The following MAP2K6 variants were observed in gnomAD, a reference collection of about 807,000 sequenced individuals.
MAP2K6 encodes the protein mitogen-activated protein kinase kinase 6, also known as dual specificity mitogen-activated protein kinase kinase 6.
In MAP2K6, 16 loss-of-function variants were observed where a neutral mutation model predicts 53.7. The ratio of observed to expected loss-of-function variants is 0.30; its 90% confidence interval spans 0.20 to 0.45. MAP2K6 has a LOEUF of 0.45. MAP2K6 is among the 20% of genes least tolerant of loss of function. The pLI is 1.00. For synonymous variants in MAP2K6, 132 were observed against 143.1 expected (o/e 0.92, Z 0.55); for missense variants, 204 against 411.9 (o/e 0.50, Z 4.37).
rs1038476981 is a variant in MAP2K6, at chr17:69,551,305, A to G, written c.*9552A>G. The stretch of plus-strand genomic sequence containing the variant: ...AGCTACCCCTTGCTGCCTTTTGCAA[A>G]GGTGTTGTAGGTGGAGAAGGGTAAT... On this transcript the variant is annotated 3_prime_UTR_variant, in exon 12 of 12. Coordinates refer to ENST00000590474, the MANE Select transcript of MAP2K6 (RefSeq NM_002758.4). The G allele has an allele frequency of 6.6e-6, 1 of 152,238 alleles. No homozygotes were observed. The highest frequency in any genetic ancestry group is 1.5e-5 in the Non-Finnish European group (1 of 68,066). The allele number at this position is 152,238 out of a possible 1,614,324, so 9.4% of individuals were successfully genotyped here.
At chr17:69,527,902 G>A (rs1324611587) in intron 10 of MAP2K6, among the ~76,000 whole-genome samples, 1 of 152,106 alleles carries the variant, frequency 6.6e-6, no homozygotes, top group Admixed American at 6.5e-5. Context: ...GATCACCTGA[G>A]GTCAGGAGTT....
chr17:69,522,638 G>A (rs1260077894), intron 7 of MAP2K6, among the ~76,000 whole-genome samples: 1 of 152,056 alleles, frequency 6.6e-6, no homozygotes, highest in East Asian at 1.9e-4. Context: ...AAAAGGATTC[G>A]TTTAAAATCT....
intron 9 of MAP2K6, among the ~76,000 whole-genome samples, chr17:69,525,269 G>T (rs536947111): frequency 2.0e-5 from 3 of 152,088 alleles, no homozygotes; most frequent in Non-Finnish European, 4.4e-5. Context: ...TCTGTAAAAC[G>T]AGAGGATCTG....
chr17:69,483,335 G>A (rs758059744), intron 1 of MAP2K6, among the ~76,000 whole-genome samples: 1 of 151,914 alleles, frequency 6.6e-6, no homozygotes, highest in South Asian at 2.1e-4. Context: ...ATAAAATATG[G>A]TGAAATAATT....
rs943638657 is a variant in MAP2K6 at position 69,522,701 on chromosome 17, G to A, written c.536-813G>A. On this transcript the variant is annotated intron_variant, in intron 7 of 11. Coordinates refer to ENST00000590474, the MANE Select transcript of MAP2K6 (RefSeq NM_002758.4). ...CTGCCCTGTGGTCTGGAATACCTGG[G>A]TTTATGATCCTTTACACTATGTGAC... is the stretch of plus-strand genomic sequence containing the variant. Among the ~76,000 whole-genome samples the A allele has an allele frequency of 1.5e-4, 23 of 152,126 alleles. No individual in the cohort carries two copies. The East Asian group carries it at 4.1e-3, about 27-fold the overall frequency.
In MAP2K6 at chr17:69,553,864, T is replaced by C. The variant is rs931414002; in HGVS notation, c.*12111T>C. ...CCAATAAAAGACATTTTAAAAAGCG[T>C]AGTGAGTCTGTACATTAATTGAGTT... On this transcript the variant is annotated 3_prime_UTR_variant, in exon 12 of 12. Coordinates refer to ENST00000590474, the MANE Select transcript of MAP2K6 (RefSeq NM_002758.4). 1.3e-5 allele frequency: 2 copies of C among 152,160 alleles called. No individual in the cohort carries two copies. Among genetic ancestry groups the C allele is most frequent in the African/African-American group, 4.8e-5 (2 of 41,430 alleles). The allele number at this position is 152,160 out of a possible 1,614,324, so 9.4% of individuals were successfully genotyped here.
At chr17:69,512,915 A>C (rs1208472216) in intron 2 of MAP2K6, among the ~76,000 whole-genome samples, 1 of 152,200 alleles carries the variant, frequency 6.6e-6, no homozygotes, top group East Asian at 1.9e-4. Flanking sequence ...ATGAATAATT[A>C]TCATACTAAA....
At chr17:69,527,401 A>G (rs1910830677) in intron 10 of MAP2K6, among the ~76,000 whole-genome samples, 1 of 152,214 alleles carries the variant, frequency 6.6e-6, no homozygotes, top group African/African-American at 2.4e-5. Context: ...GTTGGGGTGG[A>G]AAGTGGGAGG....
At chr17:69,525,252 A>G (rs774038068) in intron 9 of MAP2K6, among the ~76,000 whole-genome samples, 9 of 152,120 alleles carry the variant, frequency 5.9e-5, no homozygotes, top group Non-Finnish European at 7.4e-5. Flanking sequence ...CTATCTTCCT[A>G]TCCTCCTCTG....
intron 10 of MAP2K6, among the ~76,000 whole-genome samples, chr17:69,533,729 CT>C (rs1317584984): frequency 7.5e-6 from 1 of 132,666 alleles, no homozygotes; most frequent in African/African-American, 2.8e-5. Context: ...GGCTTCTAGC[CT>C]GTTTGTTTTT....
At chr17:69,507,792 A>G (rs993341544) in intron 2 of MAP2K6, among the ~76,000 whole-genome samples, 7 of 152,184 alleles carry the variant, frequency 4.6e-5, no homozygotes, top group Admixed American at 3.3e-4. Flanking sequence ...GCATTTATGC[A>G]TAAGTTCCTG....
intron 1 of MAP2K6, among the ~76,000 whole-genome samples, chr17:69,498,650 C>CCACACACACACACACACACACACACA: frequency 6.9e-6 from 1 of 145,420 alleles, no homozygotes; most frequent in Non-Finnish European, 1.5e-5. Context: ...CACCTGGAAG[C>CCACACACACACACACACACACACACA]CACACACACA....
intron 10 of MAP2K6, 42 bp downstream of exon 10, chr17:69,526,751 A>T: frequency 6.3e-7 from 1 of 1,595,646 alleles, no homozygotes; most frequent in African/African-American, 1.3e-5. Context: ...TGAAAGAAGA[A>T]GATGAGTTCT....
intron 1 of MAP2K6, among the ~76,000 whole-genome samples, chr17:69,449,577 C>T (rs1162215210): frequency 3.1e-5 from 3 of 97,708 alleles, no homozygotes; most frequent in Admixed American, 9.7e-5. Flanking sequence ...TTCTTTCTTT[C>T]TTTCTTTCTT....
chr17:69,444,491 C>T (rs1308228498), intron 1 of MAP2K6, among the ~76,000 whole-genome samples: 1 of 152,078 alleles, frequency 6.6e-6, no homozygotes, highest in Non-Finnish European at 1.5e-5. Context: ...GGAGTGAAGC[C>T]CCGAAACATA....
intron 1 of MAP2K6, among the ~76,000 whole-genome samples, chr17:69,458,395 A>G (rs1434460779): frequency 6.6e-6 from 1 of 152,128 alleles, no homozygotes; most frequent in Non-Finnish European, 1.5e-5. Context: ...CCTGCCCTCT[A>G]CCTACTGAAT....
intron 2 of MAP2K6, among the ~76,000 whole-genome samples, chr17:69,509,826 G>A (rs541154548): frequency 5.9e-5 from 9 of 152,004 alleles, no homozygotes; most frequent in Admixed American, 5.9e-4. Flanking sequence ...AGTATACTGA[G>A]AGGTTCTTTT....
chr17:69,436,475 C>T (rs1906644622), intron 1 of MAP2K6, among the ~76,000 whole-genome samples: 1 of 152,114 alleles, frequency 6.6e-6, no homozygotes, highest in Non-Finnish European at 1.5e-5. Flanking sequence ...ATCTTGTTTA[C>T]AATGTTTTAT....
chr17:69,544,465 TATA>T lies in MAP2K6; in HGVS notation c.*2713_*2715del, dbSNP rs1911797322. The T allele has an allele frequency of 6.6e-6, 1 of 152,196 alleles. No individual in the cohort carries two copies. Among genetic ancestry groups the T allele is most frequent in the Non-Finnish European group, 1.5e-5 (1 of 68,042 alleles). The allele number at this position is 152,196 out of a possible 1,614,324, so 9.4% of individuals were successfully genotyped here. On this transcript the variant is annotated 3_prime_UTR_variant, in exon 12 of 12. Coordinates refer to ENST00000590474, the MANE Select transcript of MAP2K6 (RefSeq NM_002758.4). ...ATATAAATGGGGAGTATTCTGTACA[TATA>T]GACTTATATATAAAGACATCTGTGT...
Sources: gnomAD v4.1 joint callset for allele counts (sites outside exome capture counted in the v4.1 genomes callset) on GRCh38, gnomAD v4.1.1 for gene constraint, MANE v1.5 for transcripts, NCBI Gene and HGNC (gene_info 2026-07-23, HGNC 2026-07-21) for gene names.